The following GRIK4 variants were observed in gnomAD, a reference collection of about 807,000 sequenced individuals.
GRIK4 encodes glutamate receptor ionotropic, kainate 4.
GRIK4 carries 40 observed loss-of-function variants against 104.9 expected under a neutral mutation model. That is an observed-to-expected ratio of 0.38 (90% confidence interval 0.30 to 0.50). GRIK4 has a LOEUF of 0.50. Ranked by LOEUF, GRIK4 falls within the 20% of genes least tolerant of loss-of-function variation. The pLI is 0.93. For missense variants in GRIK4, 1,047 were observed against 1,308.1 expected, an observed-to-expected ratio of 0.80 and a Z score of 3.08; for synonymous variants, 485 against 524.9, an observed-to-expected ratio of 0.92 and a Z score of 1.04.
intron 1 of GRIK4, among the ~76,000 whole-genome samples, chr11:120,637,462 A>G (rs1206633167): frequency 1.3e-5 from 2 of 152,084 alleles, no homozygotes; most frequent in African/African-American, 4.8e-5. Context: ...TTCTTCATAC[A>G]CCTTTTGCTG....
chr11:120,679,187 G>A (rs565017553), intron 3 of GRIK4, among the ~76,000 whole-genome samples: 3 of 152,258 alleles, frequency 2.0e-5, no homozygotes, highest in African/African-American at 7.2e-5. Flanking sequence ...CCATTTCACA[G>A]ATGAAAAACC....
At chr11:120,514,775 C>T (rs1361679491) in intron 1 of GRIK4, among the ~76,000 whole-genome samples, 3 of 152,154 alleles carry the variant, frequency 2.0e-5, no homozygotes, top group Admixed American at 1.3e-4. Flanking sequence ...GCCTGGGGCA[C>T]CCTCCTTCCC....
intron 11 of GRIK4, among the ~76,000 whole-genome samples, chr11:120,897,683 A>G (rs1449737591): frequency 2.6e-5 from 4 of 151,460 alleles, no homozygotes; most frequent in Non-Finnish European, 4.4e-5. Flanking sequence ...AAAATAAAGG[A>G]AACAAAACAC....
At chr11:120,888,283 A>G (rs1475465551) in intron 11 of GRIK4, among the ~76,000 whole-genome samples, 1 of 152,054 alleles carries the variant, frequency 6.6e-6, no homozygotes, top group Non-Finnish European at 1.5e-5. Flanking sequence ...CTAGTAGCAT[A>G]ACAGACCTGC....
intron 1 of GRIK4, among the ~76,000 whole-genome samples, chr11:120,629,037 G>A (rs993516326): frequency 1.3e-5 from 2 of 152,134 alleles, no homozygotes; most frequent in Admixed American, 6.5e-5. Flanking sequence ...GGAGGCACGC[G>A]GCCGCTGATG....
At chr11:120,954,496 C>G (rs1027653278) in intron 15 of GRIK4, among the ~76,000 whole-genome samples, 2 of 152,194 alleles carry the variant, frequency 1.3e-5, no homozygotes, top group Non-Finnish European at 2.9e-5. Flanking sequence ...TGCCACTGCT[C>G]TGTAATTCAC....
chr11:120,609,707 T>G (rs1455892040), intron 1 of GRIK4, among the ~76,000 whole-genome samples: 1 of 151,860 alleles, frequency 6.6e-6, no homozygotes, highest in Non-Finnish European at 1.5e-5. Flanking sequence ...ACAGATGCGG[T>G]TTCACCATGT....
rs577929476 is a variant in GRIK4, at chr11:120,582,407, G to A, written c.-159+70520G>A. 3.3e-4 allele frequency among the ~76,000 whole-genome samples: 50 copies of A among 151,896 alleles called. No individual in the cohort carries two copies. In the South Asian group the frequency reaches 5.2e-3, roughly 16 times the overall value. On this transcript the variant is annotated intron_variant, in intron 1 of 20. Coordinates refer to ENST00000527524, the MANE Select transcript of GRIK4 (RefSeq NM_014619.5). ...GGTTTGGTGGTCAGACTATTTCATC[G>A]CCGAGGTAATAAGTATAGTACCTGA...
At chr11:120,681,710 C>G (rs12806678) in intron 3 of GRIK4, among the ~76,000 whole-genome samples, 2 of 152,222 alleles carry the variant, frequency 1.3e-5, no homozygotes, top group Admixed American at 1.3e-4. Flanking sequence ...CCTAAATCAT[C>G]CCCGTCACAG....
chr11:120,663,963 G>A (rs562673649), intron 3 of GRIK4, among the ~76,000 whole-genome samples: 1 of 152,206 alleles, frequency 6.6e-6, no homozygotes, highest in African/African-American at 2.4e-5. Context: ...TCCAGCACTT[G>A]CCGTGTTATA....
intron 3 of GRIK4, among the ~76,000 whole-genome samples, chr11:120,718,618 C>T (rs1950879035): frequency 6.6e-6 from 1 of 152,196 alleles, no homozygotes; most frequent in East Asian, 1.9e-4. Context: ...AGGGAGAATC[C>T]AACATGTATT....
chr11:120,907,421 T>C (rs2134515154), intron 13 of GRIK4, among the ~76,000 whole-genome samples: 1 of 152,300 alleles, frequency 6.6e-6, no homozygotes, highest in African/African-American at 2.4e-5. Context: ...CCGAGTGACT[T>C]GAACAGTCAG....
intron 1 of GRIK4, among the ~76,000 whole-genome samples, chr11:120,534,521 C>A (rs193132202): frequency 3.8e-4 from 58 of 152,186 alleles, no homozygotes; most frequent in Non-Finnish European, 5.7e-4. Flanking sequence ...ACGCTGGGGC[C>A]TGAGTCCACA....
At chr11:120,531,756 A>G (rs538421696) in intron 1 of GRIK4, among the ~76,000 whole-genome samples, 2 of 151,952 alleles carry the variant, frequency 1.3e-5, no homozygotes, top group African/African-American at 2.4e-5. Context: ...TTGTATTTTT[A>G]GTAGAGACGG....
At chr11:120,652,977 C>T (rs1242074903) in intron 1 of GRIK4, among the ~76,000 whole-genome samples, 1 of 152,206 alleles carries the variant, frequency 6.6e-6, no homozygotes, top group Non-Finnish European at 1.5e-5. Context: ...AATCAGCAAA[C>T]ATTTATTAAA....
chr11:120,779,496 G>T (rs1484088827), intron 3 of GRIK4, among the ~76,000 whole-genome samples: 1 of 152,184 alleles, frequency 6.6e-6, no homozygotes, highest in Non-Finnish European at 1.5e-5. Context: ...GGTGCCACAT[G>T]TCAGCAACCA....
At position 120,954,782 on chromosome 11, in the gene GRIK4, TACACACACAC is replaced by T. The variant is rs768646075; in HGVS notation, c.1700+1858_1700+1867del. ...TAACCATACGGCCTCTCTCTCTCAC[TACACACACAC>T]ACACACACACACACACACACACACA... On this transcript the variant is annotated intron_variant, in intron 15 of 20. Transcript: ENST00000527524. Among the ~76,000 whole-genome samples, 304 of 107,984 alleles carry T rather than the reference TACACACACAC, an allele frequency of 2.8e-3. 4 individuals carry two copies. The highest frequency in any genetic ancestry group is 0.01 in the African/African-American group (290 of 28,216). 70.8% of individuals were successfully genotyped at this position (107,984 alleles called of 152,430 possible).
At chr11:120,625,795 CTG>C (rs1467693935) in intron 1 of GRIK4, among the ~76,000 whole-genome samples, 1 of 151,810 alleles carries the variant, frequency 6.6e-6, no homozygotes, top group Non-Finnish European at 1.5e-5. Context: ...GGTGGCAGCA[CTG>C]TGTTAGAGGA....
chr11:120,865,328 A>G (rs529888018), intron 9 of GRIK4, among the ~76,000 whole-genome samples: 2 of 152,210 alleles, frequency 1.3e-5, no homozygotes, highest in Non-Finnish European at 2.9e-5. Flanking sequence ...CAACTCCTAA[A>G]TCTCATGATA....
Sources: gnomAD v4.1 joint callset for allele counts (sites outside exome capture counted in the v4.1 genomes callset) on GRCh38, gnomAD v4.1.1 for gene constraint, MANE v1.5 for transcripts, NCBI Gene and HGNC (gene_info 2026-07-23, HGNC 2026-07-21) for gene names.